The following LYPD6B variants were observed in gnomAD, a reference collection of about 807,000 sequenced individuals.
The protein encoded by LYPD6B is LY6/PLAUR domain containing 6B.
LYPD6B carries 17 observed loss-of-function variants against 22.8 expected under a neutral mutation model. The observed-to-expected ratio is 0.75, with a 90% CI of 0.51 to 1.12. The LOEUF is 1.12. Ranked by LOEUF, LYPD6B falls within the 50% of genes most tolerant of loss-of-function variation. The probability of loss-of-function intolerance (pLI) is 0.00; values close to 1 mark genes in which losing one functional copy is unlikely to be tolerated. For synonymous variants in LYPD6B, 106 were observed against 91.6 expected (o/e 1.16, Z -0.90); for missense variants, 221 against 258.3 (o/e 0.86, Z 0.99).
chr2:149,068,076 A>C (rs1318504760), intron 1 of LYPD6B, among the ~76,000 whole-genome samples: 1 of 152,204 alleles, frequency 6.6e-6, no homozygotes, highest in East Asian at 1.9e-4. Context: ...AGACTGGAAA[A>C]GTCTTTGCCC....
At chr2:149,115,228 C>T (rs1686946020) in intron 1 of LYPD6B, among the ~76,000 whole-genome samples, 1 of 152,174 alleles carries the variant, frequency 6.6e-6, no homozygotes, top group Non-Finnish European at 1.5e-5. Flanking sequence ...TGTGAGCCAC[C>T]ATGCCCAGCC....
chr2:149,175,541 T>G (rs983390916), intron 3 of LYPD6B, among the ~76,000 whole-genome samples: 1 of 152,090 alleles, frequency 6.6e-6, no homozygotes, highest in African/African-American at 2.4e-5. Context: ...ATTTTTCTTT[T>G]TTTATTAACT....
intron 2 of LYPD6B, among the ~76,000 whole-genome samples, chr2:149,135,202 T>C (rs1206607196): frequency 6.7e-6 from 1 of 149,460 alleles, no homozygotes; most frequent in Admixed American, 6.7e-5. Context: ...CCAAGATTGT[T>C]CCACTGCTCT....
chr2:149,207,902 A>C (rs1693600926), intron 4 of LYPD6B, among the ~76,000 whole-genome samples: 1 of 152,090 alleles, frequency 6.6e-6, no homozygotes, highest in Admixed American at 6.6e-5. Context: ...TCACACAACT[A>C]ATCTGTGGGG....
chr2:149,120,313 G>A (rs1190670450), intron 1 of LYPD6B, among the ~76,000 whole-genome samples: 1 of 128,476 alleles, frequency 7.8e-6, no homozygotes, highest in Non-Finnish European at 1.6e-5. Context: ...ATATATATGT[G>A]TATATATATG....
intron 3 of LYPD6B, among the ~76,000 whole-genome samples, chr2:149,178,062 T>C (rs1259810349): frequency 6.6e-6 from 1 of 152,198 alleles, no homozygotes; most frequent in East Asian, 1.9e-4. Flanking sequence ...GTATTTTTTT[T>C]TTCAGGTTAA....
At chr2:149,203,760 T>G (rs1041386009) in intron 3 of LYPD6B, among the ~76,000 whole-genome samples, 2 of 152,228 alleles carry the variant, frequency 1.3e-5, no homozygotes, top group Admixed American at 1.3e-4. Flanking sequence ...TCTTAGTACT[T>G]TCTTAGCAGC....
intron 3 of LYPD6B, chr2:149,200,782 C>T (rs1265464247): frequency 6.6e-6 from 1 of 152,186 alleles, no homozygotes; most frequent in African/African-American, 2.4e-5. Flanking sequence ...TGGCTACCTG[C>T]CATTCTCTGG....
At chr2:149,110,906 T>C (rs1686725381) in intron 1 of LYPD6B, among the ~76,000 whole-genome samples, 1 of 152,150 alleles carries the variant, frequency 6.6e-6, no homozygotes. Flanking sequence ...TAGGATGCAG[T>C]ACTCTATATG....
chr2:149,103,967 G>A (rs1349826001), intron 1 of LYPD6B, among the ~76,000 whole-genome samples: 1 of 151,466 alleles, frequency 6.6e-6, no homozygotes, highest in African/African-American at 2.4e-5. Flanking sequence ...TGTTAGAGAT[G>A]GGGTTTCACC....
At chr2:149,139,359 T>G (rs976968666) in intron 2 of LYPD6B, among the ~76,000 whole-genome samples, 2 of 152,190 alleles carry the variant, frequency 1.3e-5, no homozygotes, top group Non-Finnish European at 2.9e-5. Context: ...GGTAGCTTGA[T>G]TAGCACACAG....
intron 1 of LYPD6B, among the ~76,000 whole-genome samples, chr2:149,086,152 C>T (rs1685378715): frequency 1.3e-5 from 2 of 152,166 alleles, no homozygotes. Flanking sequence ...AATGTACTCC[C>T]CCACTGCTGT....
chr2:149,116,108 C>T (rs1686994198), intron 1 of LYPD6B, among the ~76,000 whole-genome samples: 1 of 152,182 alleles, frequency 6.6e-6, no homozygotes, highest in South Asian at 2.1e-4. Context: ...CTCACATCAT[C>T]ACAAGAAAGT....
rs146949287 is a variant in LYPD6B at position 149,102,310 on chromosome 2, A to G, written c.-66-28573A>G. Among the ~76,000 whole-genome samples the G allele has an allele frequency of 2.3e-4, 35 of 152,316 alleles. No homozygotes were observed. The East Asian group carries it at 6.4e-3, about 28-fold the overall frequency. On this transcript the variant is annotated intron_variant, in intron 1 of 6. Transcript: ENST00000409642. ...TGAATTTAGGAAACAGTGAGTTAGTATAAAGAGACACAGTGAGACGGAACT... is the reference window on the plus strand; with the variant it reads ...TGAATTTAGGAAACAGTGAGTTAGTGTAAAGAGACACAGTGAGACGGAACT...
At chr2:149,058,309 A>G (rs541934599) in intron 1 of LYPD6B, among the ~76,000 whole-genome samples, 2 of 152,156 alleles carry the variant, frequency 1.3e-5, no homozygotes, top group Non-Finnish European at 2.9e-5. Context: ...CCTCTCCTAT[A>G]TTTATGCTTT....
intron 2 of LYPD6B, among the ~76,000 whole-genome samples, chr2:149,132,804 C>T (rs1688111702): frequency 6.6e-6 from 1 of 152,140 alleles, no homozygotes; most frequent in Non-Finnish European, 1.5e-5. Flanking sequence ...TAGCAAGCAC[C>T]AACACAGAAT....
chr2:149,179,859 A>G (rs2105981250), intron 3 of LYPD6B, among the ~76,000 whole-genome samples: 1 of 152,252 alleles, frequency 6.6e-6, no homozygotes, highest in East Asian at 1.9e-4. Context: ...TCTTTTAGTT[A>G]GATTAGGTAA....
At chr2:149,109,801 TC>T (rs1686670480) in intron 1 of LYPD6B, among the ~76,000 whole-genome samples, 1 of 151,996 alleles carries the variant, frequency 6.6e-6, no homozygotes, top group Non-Finnish European at 1.5e-5. Flanking sequence ...AAACTCCGCC[TC>T]CCAGGTTCAA....
intron 1 of LYPD6B, among the ~76,000 whole-genome samples, chr2:149,080,233 A>G (rs1298644695): frequency 6.6e-6 from 1 of 152,176 alleles, no homozygotes; most frequent in Non-Finnish European, 1.5e-5. Context: ...TTGTGGCCGC[A>G]TAACTTTATA....
Sources: gnomAD v4.1 joint callset for allele counts (sites outside exome capture counted in the v4.1 genomes callset) on GRCh38, gnomAD v4.1.1 for gene constraint, MANE v1.5 for transcripts, NCBI Gene and HGNC (gene_info 2026-07-23, HGNC 2026-07-21) for gene names.